Variants in CEP85L observed in about 807,000 individuals in gnomAD.
CEP85L encodes centrosomal protein 85L.
A neutral mutation model predicts 100.3 loss-of-function variants in CEP85L; 60 were observed. The ratio of observed to expected loss-of-function variants is 0.60; its 90% CI spans 0.49 to 0.74. The LOEUF is 0.74. CEP85L is among the 30% of genes least tolerant of loss of function. The pLI is 0.00. For synonymous variants in CEP85L, 319 were observed against 322.7 expected, an observed-to-expected ratio of 0.99 and a Z score of 0.12; for missense variants, 973 against 936.2, an observed-to-expected ratio of 1.04 and a Z score of -0.51.
At position 118,592,329 on chromosome 6, in the gene CEP85L, CTT is replaced by C. The variant is rs34976343; in HGVS notation, c.233-26015_233-26014del. Among the ~76,000 whole-genome samples, 210 of 121,644 alleles carry C rather than the reference CTT, an allele frequency of 1.7e-3. 3 individuals carry two copies. Among genetic ancestry groups the C allele is most frequent in the Admixed American group, 3.8e-3 (45 of 11,798 alleles). 79.8% of individuals were successfully genotyped at this position (121,644 alleles called of 152,430 possible). ...CTGAATACATTAACATCCTCTAGGT[CTT>C]TTTTTTTTTTTTTTTTTGATCAGTA... On this transcript the variant is annotated intron_variant, in intron 2 of 12. Coordinates refer to ENST00000368491, the MANE Select transcript of CEP85L (RefSeq NM_001042475.3).
chr6:118,663,820 C>A (rs1776046208), intron 1 of CEP85L, among the ~76,000 whole-genome samples: 1 of 152,004 alleles, frequency 6.6e-6, no homozygotes, highest in Admixed American at 6.6e-5. Context: ...TAAATAATGT[C>A]CAGGGTACTT....
At chr6:118,680,284 A>G (rs1038091377) in intron 1 of CEP85L, among the ~76,000 whole-genome samples, 11 of 149,290 alleles carry the variant, frequency 7.4e-5, no homozygotes, top group Admixed American at 4.7e-4. Context: ...AAAAAAAAAA[A>G]AAGAATCTTT....
At chr6:118,652,721 CTGAT>C (rs767792503), upstream of CEP85L, 467 of 1,545,250 alleles carry the variant, frequency 3.0e-4, no homozygotes, top group Non-Finnish European at 3.5e-4. Flanking sequence ...TGTAATTTAT[CTGAT>C]TGGAGTTTTA....
intron 3 of CEP85L, among the ~76,000 whole-genome samples, chr6:118,562,870 T>G (rs928985553): frequency 1.3e-5 from 2 of 152,130 alleles, no homozygotes; most frequent in African/African-American, 4.8e-5. Flanking sequence ...GTCTGGGAGA[T>G]CCATCGTGGG....
chr6:118,540,300 A>G (rs1347076857), intron 3 of CEP85L, among the ~76,000 whole-genome samples: 1 of 152,208 alleles, frequency 6.6e-6, no homozygotes, highest in African/African-American at 2.4e-5. Flanking sequence ...TACTCAGCAC[A>G]GCACCTGACA....
At chr6:118,520,073 G>A (rs369173105) in intron 4 of CEP85L, among the ~76,000 whole-genome samples, 26 of 152,166 alleles carry the variant, frequency 1.7e-4, no homozygotes, top group African/African-American at 5.5e-4. Flanking sequence ...AGGCAACTAC[G>A]AAAAACAGCT....
At chr6:118,503,633 CATAAAT>C (rs2114677149) in intron 5 of CEP85L, among the ~76,000 whole-genome samples, 1 of 151,454 alleles carries the variant, frequency 6.6e-6, no homozygotes, top group African/African-American at 2.4e-5. Context: ...AAATAGGACA[CATAAAT>C]ATAGTCAACT....
chr6:118,691,199 G>A (rs1777031916), intron 1 of CEP85L, among the ~76,000 whole-genome samples: 1 of 70,956 alleles, frequency 1.4e-5, no homozygotes, highest in African/African-American at 5.0e-5. Flanking sequence ...TGGATCACCT[G>A]AGATCAGGAG....
At chr6:118,546,211 CAA>C (rs756379522) in intron 3 of CEP85L, among the ~76,000 whole-genome samples, 2 of 152,108 alleles carry the variant, frequency 1.3e-5, no homozygotes, top group Non-Finnish European at 2.9e-5. Flanking sequence ...AAGGTAAACA[CAA>C]AAACTCCCCA....
intron 10 of CEP85L, among the ~76,000 whole-genome samples, chr6:118,476,283 G>GTTT (rs1256551783): frequency 7.1e-6 from 1 of 140,694 alleles, no homozygotes; most frequent in Non-Finnish European, 1.6e-5. Flanking sequence ...CAGTGTGTGC[G>GTTT]TTTTTTTTTT....
chr6:118,700,954 G>A (rs78419611), intron 1 of CEP85L, among the ~76,000 whole-genome samples: 10 of 152,262 alleles, frequency 6.6e-5, no homozygotes, highest in Non-Finnish European at 1.3e-4. Flanking sequence ...TCTGCTCTCT[G>A]GGAATTAGCT....
chr6:118,700,799 T>C (rs1004591319), intron 1 of CEP85L, among the ~76,000 whole-genome samples: 8 of 152,180 alleles, frequency 5.3e-5, no homozygotes, highest in Non-Finnish European at 1.0e-4. Context: ...GGAAGGCTCA[T>C]TGGGCTAAAA....
intron 1 of CEP85L, among the ~76,000 whole-genome samples, chr6:118,688,496 G>C (rs1300119015): frequency 2.0e-5 from 3 of 152,144 alleles, no homozygotes; most frequent in Non-Finnish European, 4.4e-5. Context: ...TCTTCTTACA[G>C]TTCTATACTT....
chr6:118,689,884 C>T (rs926743053), intron 1 of CEP85L, among the ~76,000 whole-genome samples: 16 of 150,844 alleles, frequency 1.1e-4, no homozygotes, highest in African/African-American at 3.6e-4. Context: ...GTTCTTGTCC[C>T]AGGTATAGTT....
rs543376125 is a variant in CEP85L, at chr6:118,531,897, A to G, written c.1021-7977T>C. Among the ~76,000 whole-genome samples, 7 of 152,276 alleles carry G rather than the reference A, an allele frequency of 4.6e-5. No individual in the cohort carries two copies. In the South Asian group the frequency reaches 1.5e-3, roughly 32 times the overall value. On this transcript the variant is annotated intron_variant, in intron 3 of 12. Coordinates refer to ENST00000368491, the MANE Select transcript of CEP85L (RefSeq NM_001042475.3). ...TGCAGAGAAAAGGGAACACTTATAC[A>G]GTGTTGGCAGGATAAATTAGTTCAG...
intron 5 of CEP85L, among the ~76,000 whole-genome samples, chr6:118,495,626 C>A (rs1384671406): frequency 6.6e-6 from 1 of 152,148 alleles, no homozygotes; most frequent in Non-Finnish European, 1.5e-5. Flanking sequence ...CAGTCTCAGG[C>A]AGTTCTTTAT....
At chr6:118,641,505 G>C (rs560408992) in intron 1 of CEP85L, among the ~76,000 whole-genome samples, 19 of 152,218 alleles carry the variant, frequency 1.2e-4, no homozygotes, top group African/African-American at 3.9e-4. Context: ...TGGATTATCA[G>C]AGCATTATGT....
At chr6:118,644,153 A>T (rs1775044928) in intron 1 of CEP85L, among the ~76,000 whole-genome samples, 1 of 152,204 alleles carries the variant, frequency 6.6e-6, no homozygotes, top group Non-Finnish European at 1.5e-5. Flanking sequence ...GGCCAAATGC[A>T]TTGATGCATT....
intron 2 of CEP85L, among the ~76,000 whole-genome samples, chr6:118,586,443 G>C (rs796131859): frequency 2.0e-4 from 30 of 152,188 alleles, no homozygotes; most frequent in African/African-American, 6.3e-4. Flanking sequence ...TAACCCAGGA[G>C]ATTTGGTACT....
Sources: allele counts gnomAD v4.1 joint callset (sites outside exome capture counted in the v4.1 genomes callset), GRCh38; gene constraint gnomAD v4.1.1; transcripts MANE v1.5; gene names NCBI Gene and HGNC (gene_info 2026-07-23, HGNC 2026-07-21).